The following PLXNA2 variants were observed in gnomAD, a reference collection of about 807,000 sequenced individuals.
The protein encoded by PLXNA2 is plexin A2.
Under a neutral mutation model 193.5 loss-of-function variants are expected in PLXNA2, and 91 were observed. The observed-to-expected ratio is 0.47, with a 90% CI of 0.40 to 0.56. The LOEUF is 0.56. Among genes scored for constraint, PLXNA2 ranks in the 20% least tolerant of loss-of-function variants. PLXNA2 has a pLI of 0.00. For synonymous variants in PLXNA2, 997 were observed against 1,027.3 expected, an observed-to-expected ratio of 0.97 and a Z score of 0.56; for missense variants, 1,995 against 2,503.2, an observed-to-expected ratio of 0.80 and a Z score of 4.33.
At chr1:208,141,444 C>G (rs891558616) in intron 4 of PLXNA2, among the ~76,000 whole-genome samples, 1 of 152,214 alleles carries the variant, frequency 6.6e-6, no homozygotes, top group Non-Finnish European at 1.5e-5. Context: ...GCATCCTTCT[C>G]TAGCCTAAGT....
intron 4 of PLXNA2, among the ~76,000 whole-genome samples, chr1:208,107,215 C>T (rs1667297494): frequency 6.6e-6 from 1 of 152,142 alleles, no homozygotes; most frequent in African/African-American, 2.4e-5. Flanking sequence ...AAATCAGAAA[C>T]ACTGGGGAAG....
At position 208,023,391 on chromosome 1, in the gene PLXNA2, G is replaced by A. The variant is rs1664244613; in HGVS notation, c.*3852C>T. ...ATTTATCAGCCAGAAGCTTTCAAATGCTCCCTATTTGTTCTGCCCAGGCCA... is the reference window on the plus strand; with the variant it reads ...ATTTATCAGCCAGAAGCTTTCAAATACTCCCTATTTGTTCTGCCCAGGCCA... On this transcript the variant is annotated 3_prime_UTR_variant, in exon 32 of 32. Transcript: ENST00000367033. 1 of 152,736 alleles carries A rather than the reference G, an allele frequency of 6.5e-6. No individual in the cohort carries two copies. The highest frequency in any genetic ancestry group is 1.5e-5 in the Non-Finnish European group (1 of 68,128). The allele number at this position is 152,736 out of a possible 1,614,324, so 9.5% of individuals were successfully genotyped here. A position where few individuals can be genotyped will look rare whatever the true frequency, so the allele number is the denominator to read the frequency against.
intron 4 of PLXNA2, among the ~76,000 whole-genome samples, chr1:208,113,146 A>G (rs945218976): frequency 6.6e-6 from 1 of 152,158 alleles, no homozygotes; most frequent in African/African-American, 2.4e-5. Flanking sequence ...GAAATAACTA[A>G]AACAGACCTC....
At chr1:208,169,806 T>G (rs149083363) in intron 3 of PLXNA2, among the ~76,000 whole-genome samples, 1 of 152,272 alleles carries the variant, frequency 6.6e-6, no homozygotes, top group East Asian at 1.9e-4. Flanking sequence ...GGCAAATCAC[T>G]TATCTTCTAC....
At chr1:208,178,631 G>A (rs1037075526) in intron 3 of PLXNA2, among the ~76,000 whole-genome samples, 4 of 152,218 alleles carry the variant, frequency 2.6e-5, no homozygotes, top group Non-Finnish European at 2.9e-5. Flanking sequence ...TGGCCTCCTT[G>A]TTGGGAACCC....
intron 4 of PLXNA2, among the ~76,000 whole-genome samples, chr1:208,140,922 AT>A (rs1668439133): frequency 6.6e-6 from 1 of 152,174 alleles, no homozygotes; most frequent in Non-Finnish European, 1.5e-5. Context: ...CCCAATAAAT[AT>A]GTGCCCAGGA....
intron 4 of PLXNA2, among the ~76,000 whole-genome samples, chr1:208,135,380 T>C (rs1668271524): frequency 6.6e-6 from 1 of 152,174 alleles, no homozygotes; most frequent in Non-Finnish European, 1.5e-5. Flanking sequence ...CTGAGAGGCC[T>C]GCTCCTGTGC....
At position 208,042,079 on chromosome 1, in the gene PLXNA2, C is replaced by A. The variant is rs752529887; in HGVS notation, c.4286+19G>T. 2.5e-6 allele frequency: 4 copies of A among 1,610,406 alleles called. No individual in the cohort carries two copies. Among genetic ancestry groups the A allele is most frequent in the Non-Finnish European group, 2.5e-6 (3 of 1,177,870 alleles). On this transcript the variant is annotated intron_variant, in intron 22 of 31. Transcript: ENST00000367033. ...TTCAGACTCCTGCCACCCTCTCCAC[C>A]CACTGCTGCGGGCCAGACCTCCGGA...
At chr1:208,129,723 C>T (rs1668090415) in intron 4 of PLXNA2, among the ~76,000 whole-genome samples, 1 of 152,200 alleles carries the variant, frequency 6.6e-6, no homozygotes, top group Non-Finnish European at 1.5e-5. Context: ...GGTGCCCTCT[C>T]CTGTAATCCC....
At chr1:208,213,564 C>A (rs1671031336) in intron 2 of PLXNA2, among the ~76,000 whole-genome samples, 1 of 152,210 alleles carries the variant, frequency 6.6e-6, no homozygotes, top group Admixed American at 6.5e-5. Context: ...AGCTGCTATT[C>A]AATGAGTGAT....
At chr1:208,147,521 A>G (rs1257940177) in intron 3 of PLXNA2, among the ~76,000 whole-genome samples, 2 of 152,248 alleles carry the variant, frequency 1.3e-5, no homozygotes, top group Non-Finnish European at 2.9e-5. Context: ...CTGTTCACCT[A>G]AAGAATTTAA....
rs199665809 is a variant in PLXNA2 at position 208,045,866 on chromosome 1, G to T, written c.3495+12C>A. On this transcript the variant is annotated intron_variant, in intron 18 of 31. Transcript: ENST00000367033. ...GCCCCTGGTGGCACTGCCCTCTGGCGGGCACTCCTACCTTCAGAATGATGG... is the reference window on the plus strand; with the variant it reads ...GCCCCTGGTGGCACTGCCCTCTGGCTGGCACTCCTACCTTCAGAATGATGG... 1,485 of 1,613,884 alleles carry T rather than the reference G, an allele frequency of 9.2e-4. 20 individuals are homozygous for T. Among genetic ancestry groups the T allele is most frequent in the Non-Finnish European group, 1.1e-4 (131 of 1,179,764 alleles).
In PLXNA2 at chr1:208,027,229, C is replaced by G; in HGVS notation, c.*14G>C. 6.2e-7 allele frequency: 1 copy of G among 1,606,616 alleles called. No individual in the cohort carries two copies. Among genetic ancestry groups the G allele is most frequent in the South Asian group, 1.1e-5 (1 of 90,936 alleles). The stretch of plus-strand genomic sequence containing the variant: ...GGACAGGTCCCTCTTCCCAGGAATG[C>G]GAGGCTCCTCCTCTCAGCTCTCAAT... On this transcript the variant is annotated 3_prime_UTR_variant, in exon 32 of 32. Coordinates refer to ENST00000367033, the MANE Select transcript of PLXNA2 (RefSeq NM_025179.4).
At chr1:208,197,494 C>T (rs950478749) in intron 3 of PLXNA2, among the ~76,000 whole-genome samples, 1 of 152,206 alleles carries the variant, frequency 6.6e-6, no homozygotes, top group African/African-American at 2.4e-5. Flanking sequence ...AGAGCTAACC[C>T]TTGTGTGTGA....
rs150373602 is a variant in PLXNA2, at chr1:208,195,661, G to A, written c.1371+14619C>T. On this transcript the variant is annotated intron_variant, in intron 3 of 31. Coordinates refer to ENST00000367033, the MANE Select transcript of PLXNA2 (RefSeq NM_025179.4). Reference sequence around the variant, plus strand: ...TCATAAAATGTTTTTTGGGGGGGGGGGTTAGGGGTGGGCAACATGCATCAT... The same window carrying A: ...TCATAAAATGTTTTTTGGGGGGGGGAGTTAGGGGTGGGCAACATGCATCAT... Among the ~76,000 whole-genome samples, 375 of 150,458 alleles carry A rather than the reference G, an allele frequency of 2.5e-3. 2 individuals are homozygous for A. Among genetic ancestry groups the A allele is most frequent in the African/African-American group, 8.6e-3 (353 of 40,926 alleles).
At chr1:208,031,786 A>G (rs369313741) in intron 28 of PLXNA2, 27 bp from the exon 29 acceptor site, 21 of 1,460,270 alleles carry the variant, frequency 1.4e-5, no homozygotes, top group African/African-American at 2.8e-5. Flanking sequence ...GGAGAGTAAG[A>G]TGGAGGGGGG....
At chr1:208,174,056 T>A (rs978895837) in intron 3 of PLXNA2, among the ~76,000 whole-genome samples, 1 of 152,214 alleles carries the variant, frequency 6.6e-6, no homozygotes, top group Non-Finnish European at 1.5e-5. Context: ...GTGGAATATG[T>A]GGGTTTTCTC....
chr1:208,197,837 C>A (rs1670408549), intron 3 of PLXNA2, among the ~76,000 whole-genome samples: 1 of 152,152 alleles, frequency 6.6e-6, no homozygotes, highest in Non-Finnish European at 1.5e-5. Context: ...GCAGAGACAC[C>A]TAATTGCTGC....
intron 3 of PLXNA2, among the ~76,000 whole-genome samples, chr1:208,179,873 C>G (rs1358563927): frequency 6.6e-6 from 1 of 151,864 alleles, no homozygotes; most frequent in Non-Finnish European, 1.5e-5. Flanking sequence ...CCCCTGCCAC[C>G]CCCCAACCCC....
Sources: allele counts gnomAD v4.1 joint callset (sites outside exome capture counted in the v4.1 genomes callset), GRCh38; gene constraint gnomAD v4.1.1; transcripts MANE v1.5; gene names NCBI Gene and HGNC (gene_info 2026-07-23, HGNC 2026-07-21).